The following SS18 variants were observed in gnomAD, a reference collection of about 807,000 sequenced individuals.
SS18 encodes protein SSXT.
SS18 carries 28 observed loss-of-function variants against 72.5 expected under a neutral mutation model. The observed-to-expected ratio is 0.39, with a 90% CI of 0.29 to 0.53. SS18 has a LOEUF of 0.53. Among genes scored for constraint, SS18 ranks in the 20% least tolerant of loss-of-function variants. The pLI is 0.76. For synonymous variants in SS18, 172 were observed against 164.2 expected (o/e 1.05, Z -0.37); for missense variants, 518 against 535.3 (o/e 0.97, Z 0.32).
intron 2 of SS18, among the ~76,000 whole-genome samples, 170 bp downstream of exon 2, chr18:26,087,331 C>T (rs765686794): frequency 6.6e-6 from 1 of 152,024 alleles, no homozygotes; most frequent in Non-Finnish European, 1.5e-5. Flanking sequence ...AACTGACTCA[C>T]GTAATACCAG....
At chr18:26,071,091 T>C (rs941474707) in intron 3 of SS18, among the ~76,000 whole-genome samples, 1 of 152,166 alleles carries the variant, frequency 6.6e-6, no homozygotes, top group East Asian at 1.9e-4. Flanking sequence ...TGGAAAAGTC[T>C]GAAGGGATTA....
intron 2 of SS18, among the ~76,000 whole-genome samples, chr18:26,078,537 C>CA (rs1416398706): frequency 6.6e-6 from 1 of 152,112 alleles, no homozygotes; most frequent in Non-Finnish European, 1.5e-5. Flanking sequence ...GTAATAGGCC[C>CA]ATACTAGTAC....
chr18:26,054,345 A>G (rs2053977017), intron 4 of SS18, among the ~76,000 whole-genome samples: 1 of 152,210 alleles, frequency 6.6e-6, no homozygotes, highest in Non-Finnish European at 1.5e-5. Flanking sequence ...AAATATATAT[A>G]CCTTTAACCC....
chr18:26,072,557 G>T (rs1047548774), intron 3 of SS18, among the ~76,000 whole-genome samples: 4 of 152,016 alleles, frequency 2.6e-5, no homozygotes, highest in Non-Finnish European at 5.9e-5. Flanking sequence ...CAGCACTTTG[G>T]GAGGCCAAGG....
chr18:26,037,111 ATACTC>A (rs1246939525), intron 7 of SS18, among the ~76,000 whole-genome samples: 3 of 152,136 alleles, frequency 2.0e-5, no homozygotes, highest in African/African-American at 4.8e-5. Context: ...CATAAATAGA[ATACTC>A]TATGTAAATG....
chr18:26,032,429 T>G lies in SS18; in HGVS notation c.1200A>C (p.Pro400=), dbSNP rs1347429797. The G allele has an allele frequency of 3.7e-6, 6 of 1,613,674 alleles. No homozygotes were observed. Among genetic ancestry groups the G allele is most frequent in the Non-Finnish European group, 5.1e-6 (6 of 1,179,828 alleles). The change falls in exon 10 of 11, where the codon CCA becomes CCC. Residue 400 remains proline, a synonymous_variant. Transcript: ENST00000415083. ...YRPTQPGPPQ[P]PQQRPYGYDQ... is the part of the protein sequence containing the mutation. ...CATATCCATAAGGCCTCTGCTGGGG[T>G]GGCTGTGGTGGTCCAGGCTGTGTTG... is the stretch of plus-strand genomic sequence containing the variant.
chr18:26,080,100 T>C (rs979218074), intron 2 of SS18, among the ~76,000 whole-genome samples: 1 of 152,200 alleles, frequency 6.6e-6, no homozygotes, highest in Non-Finnish European at 1.5e-5. Context: ...TTACACTAAA[T>C]GGACAAAGTA....
chr18:26,061,528 A>G (rs1020890039), intron 3 of SS18, among the ~76,000 whole-genome samples: 4 of 152,346 alleles, frequency 2.6e-5, no homozygotes, highest in African/African-American at 7.2e-5. Context: ...AGTCAGAAAA[A>G]ATCTTAAAAG....
At chr18:26,024,682 G>A (rs1267306871) in intron 10 of SS18, among the ~76,000 whole-genome samples, 1 of 152,154 alleles carries the variant, frequency 6.6e-6, no homozygotes, top group Non-Finnish European at 1.5e-5. Context: ...TGTATGATAT[G>A]TGATTTATAT....
In SS18 at chr18:26,017,792, CCTTTAT is replaced by C. The variant is rs916163340; in HGVS notation, c.*556_*561del. On this transcript the variant is annotated 3_prime_UTR_variant, in exon 11 of 11. Transcript: ENST00000415083. ...TATGGTGTGCTTTGTCTTCCCCTCA[CCTTTAT>C]CTTTATAGCACACCATTTTGAGACC... 1 of 224,972 alleles carries C rather than the reference CCTTTAT, an allele frequency of 4.4e-6. No homozygotes were observed. Among genetic ancestry groups the C allele is most frequent in the African/African-American group, 2.2e-5 (1 of 44,894 alleles). The allele number at this position is 224,972 out of a possible 1,614,324, so 13.9% of individuals were successfully genotyped here. A position where few individuals can be genotyped will look rare whatever the true frequency, so the allele number is the denominator to read the frequency against.
intron 10 of SS18, among the ~76,000 whole-genome samples, chr18:26,028,366 T>C (rs376053153): frequency 3.6e-4 from 55 of 152,344 alleles, no homozygotes; most frequent in African/African-American, 1.3e-3. Context: ...TGTAAAATGA[T>C]AGGAATATAC....
At chr18:26,060,047 A>C (rs1239640723) in intron 3 of SS18, among the ~76,000 whole-genome samples, 2 of 152,230 alleles carry the variant, frequency 1.3e-5, no homozygotes, top group Non-Finnish European at 2.9e-5. Context: ...CATTCCTGGT[A>C]CATACTAAAA....
chr18:26,034,103 T>A (rs967105458), intron 9 of SS18, among the ~76,000 whole-genome samples: 5 of 152,140 alleles, frequency 3.3e-5, no homozygotes, highest in African/African-American at 4.8e-5. Flanking sequence ...ACTCCCAATA[T>A]CTGACTGAGT....
At chr18:26,057,987 T>G (rs2054053994) in intron 3 of SS18, among the ~76,000 whole-genome samples, 1 of 152,228 alleles carries the variant, frequency 6.6e-6, no homozygotes, top group Admixed American at 6.5e-5. Flanking sequence ...AAATTCTCAT[T>G]TATTTATATA....
chr18:26,073,867 C>T (rs1404763691), intron 3 of SS18, among the ~76,000 whole-genome samples: 1 of 152,164 alleles, frequency 6.6e-6, no homozygotes, highest in Non-Finnish European at 1.5e-5. Context: ...ACCATTTTTA[C>T]TTGAAAGAAC....
intron 4 of SS18, among the ~76,000 whole-genome samples, chr18:26,054,420 A>G (rs891220241): frequency 6.6e-6 from 1 of 152,174 alleles, no homozygotes; most frequent in Non-Finnish European, 1.5e-5. Context: ...GCGTATTGAC[A>G]CACAGAACAC....
chr18:26,039,168 CAAA>C (rs34318951), intron 6 of SS18, 118 bp downstream of exon 6: 14,182 of 248,162 alleles, frequency 0.057, 54 homozygotes, highest in African/African-American at 0.096. Context: ...TACCTTTTGT[CAAA>C]AAAAAAAAAA....
intron 3 of SS18, among the ~76,000 whole-genome samples, chr18:26,073,088 C>T (rs2054346044): frequency 6.6e-6 from 1 of 152,002 alleles, no homozygotes. Context: ...TGACCATATG[C>T]TGGACCTTGA....
At chr18:26,078,501 G>A in intron 2 of SS18, 1 of 179,272 alleles carries the variant, frequency 5.6e-6, no homozygotes, top group Non-Finnish European at 1.2e-5. Context: ...TGATTGCATA[G>A]CTAGTAGATG....
Sources: allele counts gnomAD v4.1 joint callset (sites outside exome capture counted in the v4.1 genomes callset), GRCh38; gene constraint gnomAD v4.1.1; transcripts MANE v1.5; gene names NCBI Gene and HGNC (gene_info 2026-07-23, HGNC 2026-07-21).